CCDC171: variants seen among roughly 807,000 people sequenced by gnomAD.
CCDC171 encodes coiled-coil domain containing 171.
In CCDC171, 177 loss-of-function variants were observed where a neutral mutation model predicts 168.2. The ratio of observed to expected loss-of-function variants is 1.05; its 90% confidence interval spans 0.93 to 1.19. The LOEUF (loss-of-function observed/expected upper bound fraction) is 1.19, where lower values mean the gene tolerates loss of function less well. CCDC171 is among the 50% of genes most tolerant of loss of function. The probability of loss-of-function intolerance (pLI) is 0.00; values close to 1 mark genes in which losing one functional copy is unlikely to be tolerated. For missense variants in CCDC171, 1,991 were observed against 1,539.0 expected, an observed-to-expected ratio of 1.29 and a Z score of -4.91; for synonymous variants, 687 against 540.8, an observed-to-expected ratio of 1.27 and a Z score of -3.75.
At chr9:15,606,612 A>C (rs1030431669) in intron 6 of CCDC171, among the ~76,000 whole-genome samples, 1 of 152,212 alleles carries the variant, frequency 6.6e-6, no homozygotes, top group Admixed American at 6.5e-5. Context: ...TAACTCTGAT[A>C]CTTTTCTAAC....
At position 15,706,366 on chromosome 9, in the gene CCDC171, T is replaced by G. The variant is rs547127282; in HGVS notation, c.1318+11029T>G. Among the ~76,000 whole-genome samples the G allele has an allele frequency of 6.6e-5, 10 of 152,242 alleles. No homozygotes were observed. The East Asian group carries it at 1.9e-3, about 29-fold the overall frequency. On this transcript the variant is annotated intron_variant, in intron 11 of 25. Transcript: ENST00000380701. ...GTGCAGTGGTGCAGTCATGGCTCACTGCAGTCTCAACCTTCTGGGCTCAAG... is the reference window on the plus strand; with the variant it reads ...GTGCAGTGGTGCAGTCATGGCTCACGGCAGTCTCAACCTTCTGGGCTCAAG...
chr9:15,911,166 T>C (rs960296457), intron 24 of CCDC171, among the ~76,000 whole-genome samples: 1 of 152,218 alleles, frequency 6.6e-6, no homozygotes, highest in African/African-American at 2.4e-5. Context: ...CCACCAATGG[T>C]GTAAAAGTGT....
chr9:15,623,001 A>G (rs1313157296), intron 6 of CCDC171, among the ~76,000 whole-genome samples: 1 of 152,234 alleles, frequency 6.6e-6, no homozygotes, highest in African/African-American at 2.4e-5. Flanking sequence ...GGTCAGTTAA[A>G]CTAATGTAAC....
chr9:16,014,191 C>A (rs796630476), intron 3 of CCDC171, among the ~76,000 whole-genome samples: 2 of 152,230 alleles, frequency 1.3e-5, no homozygotes, highest in African/African-American at 4.8e-5. Context: ...ATTTCAGCAA[C>A]ATTCACAGCA....
At chr9:15,868,955 C>G (rs758210934) in intron 23 of CCDC171, among the ~76,000 whole-genome samples, 3 of 151,986 alleles carry the variant, frequency 2.0e-5, no homozygotes, top group Admixed American at 6.6e-5. Context: ...TGCATATAAT[C>G]TATGCACATC....
chr9:15,923,956 C>A (rs1006631860), intron 25 of CCDC171, among the ~76,000 whole-genome samples: 1 of 151,278 alleles, frequency 6.6e-6, no homozygotes, highest in Non-Finnish European at 1.5e-5. Flanking sequence ...GATAGCCCAA[C>A]AACAGCTTAT....
intron 18 of CCDC171, among the ~76,000 whole-genome samples, chr9:15,776,866 A>T (rs1417423228): frequency 6.6e-6 from 1 of 152,240 alleles, no homozygotes; most frequent in Non-Finnish European, 1.5e-5. Flanking sequence ...TATACTATGA[A>T]TTTAAATAAT....
At chr9:15,947,093 A>T (rs1299423524) in intron 25 of CCDC171, among the ~76,000 whole-genome samples, 2 of 152,024 alleles carry the variant, frequency 1.3e-5, no homozygotes, top group African/African-American at 4.8e-5. Context: ...GATTTTAGAA[A>T]GACAACAAAT....
At chr9:15,809,633 G>A (rs146364705) in intron 21 of CCDC171, among the ~76,000 whole-genome samples, 1,780 of 149,282 alleles carry the variant, frequency 0.012, 38 homozygotes, top group African/African-American at 0.043. Context: ...CTTCCTGTCC[G>A]GAGTTGTTCA....
intron 4 of CCDC171, chr9:15,587,665 C>T (rs536062895): frequency 4.2e-5 from 19 of 456,686 alleles, no homozygotes; most frequent in African/African-American, 2.4e-4. Flanking sequence ...AAGTTGTTAA[C>T]GTCCACCTTG....
chr9:15,607,411 G>T (rs962062483), intron 6 of CCDC171, among the ~76,000 whole-genome samples: 5 of 151,982 alleles, frequency 3.3e-5, no homozygotes, highest in African/African-American at 1.2e-4. Flanking sequence ...TTTGTTTTAG[G>T]ATATATATTA....
rs920879558 is a variant in CCDC171 at position 15,575,976 on chromosome 9, C to T, written c.178-2873C>T. Among the ~76,000 whole-genome samples the T allele has an allele frequency of 3.2e-4, 49 of 151,944 alleles. 2 individuals are homozygous for T. Among genetic ancestry groups the T allele is most frequent in the Non-Finnish European group, 1.5e-5 (1 of 67,996 alleles). On this transcript the variant is annotated intron_variant, in intron 3 of 25. Transcript: ENST00000380701. ...GCGTGGTGGTGCGCACCTATAATCC[C>T]AGCTACTTGGGTGGCTGAGGTGGGA...
chr9:15,773,308 T>C (rs756079262), intron 18 of CCDC171, among the ~76,000 whole-genome samples: 7 of 152,154 alleles, frequency 4.6e-5, no homozygotes, highest in Non-Finnish European at 8.8e-5. Flanking sequence ...TGCACAATGG[T>C]TACTGCAGCT....
intron 3 of CCDC171, among the ~76,000 whole-genome samples, chr9:15,991,783 A>G (rs1436051682): frequency 6.6e-6 from 1 of 152,250 alleles, no homozygotes; most frequent in African/African-American, 2.4e-5. Context: ...AATTACCATC[A>G]GAGAATACTA....
At chr9:15,614,016 C>T (rs2043904237) in intron 6 of CCDC171, among the ~76,000 whole-genome samples, 3 of 152,224 alleles carry the variant, frequency 2.0e-5, no homozygotes, top group South Asian at 2.1e-4. Context: ...AATAAGTCTT[C>T]TAGCCTTTGC....
chr9:15,902,252 ATATATATATG>A (rs749778627), intron 24 of CCDC171, among the ~76,000 whole-genome samples: 40,943 of 143,328 alleles, frequency 0.29, 5,660 homozygotes, highest in Admixed American at 0.33. Flanking sequence ...ATTCATATAT[ATATATATATG>A]TATATATATA....
At chr9:15,946,948 G>C (rs1187600127) in intron 25 of CCDC171, among the ~76,000 whole-genome samples, 1 of 151,890 alleles carries the variant, frequency 6.6e-6, no homozygotes, top group African/African-American at 2.4e-5. Context: ...CTGAATTACA[G>C]GGTTTTGTTG....
intron 25 of CCDC171, among the ~76,000 whole-genome samples, chr9:15,963,877 C>A (rs992841346): frequency 3.9e-5 from 6 of 152,150 alleles, no homozygotes; most frequent in Non-Finnish European, 7.4e-5. Flanking sequence ...CAGACCCTCT[C>A]TAAGCTAAAT....
At chr9:15,719,233 AAAAG>A (rs2053294222) in intron 11 of CCDC171, among the ~76,000 whole-genome samples, 1 of 152,124 alleles carries the variant, frequency 6.6e-6, no homozygotes, top group Admixed American at 6.5e-5. Context: ...TTGATTAAGC[AAAAG>A]AAAGAATTAG....
Sources: gnomAD v4.1 joint callset for allele counts (sites outside exome capture counted in the v4.1 genomes callset) on GRCh38, gnomAD v4.1.1 for gene constraint, MANE v1.5 for transcripts, NCBI Gene and HGNC (gene_info 2026-07-23, HGNC 2026-07-21) for gene names.